KLHL20: variants seen among roughly 807,000 people sequenced by gnomAD.
KLHL20 encodes the protein kelch-like protein 20.
In KLHL20, 29 loss-of-function variants were observed where a neutral mutation model predicts 69.5. The ratio of observed to expected loss-of-function variants is 0.42; its 90% CI spans 0.31 to 0.57. The LOEUF is 0.57. KLHL20 is among the 20% of genes least tolerant of loss of function. KLHL20 has a pLI of 0.18. For missense variants in KLHL20, 419 were observed against 776.0 expected (o/e 0.54, Z 5.47); for synonymous variants, 253 against 265.2 (o/e 0.95, Z 0.45).
At chr1:173,748,632 CAA>C (rs1218052890) in intron 3 of KLHL20, among the ~76,000 whole-genome samples, 4 of 152,038 alleles carry the variant, frequency 2.6e-5, no homozygotes, top group Non-Finnish European at 4.4e-5. Flanking sequence ...AGCTCCAAAA[CAA>C]TATGCTAAAT....
intron 8 of KLHL20, 77 bp from the exon 9 acceptor site, chr1:173,774,228 T>A: frequency 6.5e-7 from 1 of 1,550,354 alleles, no homozygotes; most frequent in Non-Finnish European, 8.9e-7. Flanking sequence ...CAGTATATCG[T>A]TAGTGTGATT....
chr1:173,740,617 T>G (rs758752068), intron 3 of KLHL20, among the ~76,000 whole-genome samples: 2 of 152,190 alleles, frequency 1.3e-5, no homozygotes, highest in Non-Finnish European at 2.9e-5. Flanking sequence ...TTAAAGAATT[T>G]TTTAATTTTC....
chr1:173,751,707 C>T, intron 3 of KLHL20, 57 bp from the exon 4 acceptor site: 1 of 1,546,236 alleles, frequency 6.5e-7, no homozygotes, highest in Non-Finnish European at 8.9e-7. Flanking sequence ...AAGAAAAACA[C>T]TGAGACAATA....
At chr1:173,742,643 ACGTGTATGTATATAC>A (rs1303061701) in intron 3 of KLHL20, among the ~76,000 whole-genome samples, 2 of 151,170 alleles carry the variant, frequency 1.3e-5, no homozygotes, top group Non-Finnish European at 3.0e-5. Flanking sequence ...ACGTGTATAT[ACGTGTATGTATATAC>A]ACGTATGTGT....
chr1:173,766,596 C>G (rs1647728172), intron 8 of KLHL20, among the ~76,000 whole-genome samples: 1 of 148,210 alleles, frequency 6.7e-6, no homozygotes, highest in East Asian at 2.0e-4. Context: ...GAGCTGAGAT[C>G]ACGCCACTGT....
intron 2 of KLHL20, among the ~76,000 whole-genome samples, chr1:173,719,883 T>C (rs1671636487): frequency 6.6e-6 from 1 of 152,226 alleles, no homozygotes; most frequent in Admixed American, 6.5e-5. Flanking sequence ...GGTTTATTCA[T>C]ATATCAAACC....
chr1:173,770,722 C>T (rs1648039350), intron 8 of KLHL20, among the ~76,000 whole-genome samples: 1 of 150,156 alleles, frequency 6.7e-6, no homozygotes, highest in African/African-American at 2.4e-5. Context: ...CAAGAGATAC[C>T]ATTTGAGAGA....
Position 173,775,622 on chromosome 1 carries a change from T to C in KLHL20, c.1430-12T>C, listed in dbSNP as rs959977918. The stretch of plus-strand genomic sequence containing the variant: ...TTGAATGCTCACTTACTGGTTTTTC[T>C]TTTCCCTACAGTGGAACGTTACAAT... On this transcript the variant is annotated splice_polypyrimidine_tract_variant and intron_variant, in intron 9 of 11. Transcript: ENST00000209884. 1.7e-5 allele frequency: 27 copies of C among 1,611,698 alleles called. No homozygotes were observed. The highest frequency in any genetic ancestry group is 2.0e-5 in the Non-Finnish European group (23 of 1,178,558).
chr1:173,720,988 C>T (rs1671690216), intron 2 of KLHL20, among the ~76,000 whole-genome samples: 1 of 151,838 alleles, frequency 6.6e-6, no homozygotes, highest in Admixed American at 6.6e-5. Context: ...AAATGTGAGT[C>T]ATCAATACTA....
intron 8 of KLHL20, among the ~76,000 whole-genome samples, chr1:173,770,675 T>C (rs534863889): frequency 1.5e-5 from 2 of 129,868 alleles, no homozygotes; most frequent in African/African-American, 3.4e-5. Flanking sequence ...AGCAAAACTC[T>C]CTCTCAAAAA....
chr1:173,721,264 A>G (rs1671701265), intron 2 of KLHL20, among the ~76,000 whole-genome samples: 3 of 152,164 alleles, frequency 2.0e-5, no homozygotes, highest in African/African-American at 7.2e-5. Flanking sequence ...AAAATTTCCA[A>G]TCTCGTATCT....
At chr1:173,748,453 TATTA>T (rs1673165852) in intron 3 of KLHL20, among the ~76,000 whole-genome samples, 1 of 152,172 alleles carries the variant, frequency 6.6e-6, no homozygotes, top group Non-Finnish European at 1.5e-5. Flanking sequence ...TGGTTTATAT[TATTA>T]ATTAATGTTG....
intron 2 of KLHL20, among the ~76,000 whole-genome samples, chr1:173,716,691 A>G (rs1307937591): frequency 6.6e-6 from 1 of 152,182 alleles, no homozygotes; most frequent in Non-Finnish European, 1.5e-5. Flanking sequence ...AATCTTTATG[A>G]TACAAAATCA....
Position 173,754,384 on chromosome 1 carries a change from C to T in KLHL20, c.851+1077C>T, listed in dbSNP as rs75871084. 7.2e-5 allele frequency among the ~76,000 whole-genome samples: 11 copies of T among 151,936 alleles called. No individual in the cohort carries two copies. In the East Asian group the frequency reaches 1.4e-3, roughly 19 times the overall value. ...GGTGTATCACCTGAGGTCAGGAGTT[C>T]GAGACCAGCCTCAACATGGAGAAAC... On this transcript the variant is annotated intron_variant, in intron 5 of 11. Coordinates refer to ENST00000209884, the MANE Select transcript of KLHL20 (RefSeq NM_014458.4).
intron 7 of KLHL20, among the ~76,000 whole-genome samples, chr1:173,762,192 C>T (rs754887318): frequency 6.6e-6 from 1 of 152,022 alleles, no homozygotes; most frequent in Non-Finnish European, 1.5e-5. Flanking sequence ...ATACCCTGAA[C>T]AGACCAATAA....
At chr1:173,745,321 C>A (rs1245990458) in intron 3 of KLHL20, among the ~76,000 whole-genome samples, 2 of 151,430 alleles carry the variant, frequency 1.3e-5, no homozygotes, top group Non-Finnish European at 2.9e-5. Flanking sequence ...CACCACCAGG[C>A]CTGGCTAATT....
chr1:173,777,303 CT>C (rs34286229), intron 10 of KLHL20, among the ~76,000 whole-genome samples: 1 of 152,090 alleles, frequency 6.6e-6, no homozygotes, highest in African/African-American at 2.4e-5. Flanking sequence ...GTTCTAATAG[CT>C]TTTTGGTGGA....
chr1:173,749,327 C>T (rs1270110887), intron 3 of KLHL20, among the ~76,000 whole-genome samples: 2 of 152,140 alleles, frequency 1.3e-5, no homozygotes, highest in Admixed American at 1.3e-4. Flanking sequence ...TTGTTTTCAG[C>T]TTTATTCATT....
intron 3 of KLHL20, among the ~76,000 whole-genome samples, chr1:173,737,373 T>C (rs1377107027): frequency 2.0e-5 from 3 of 152,270 alleles, no homozygotes; most frequent in Non-Finnish European, 4.4e-5. Flanking sequence ...TTTAAGTCTT[T>C]GATCCATCTT....
Sources: gnomAD v4.1 joint callset for allele counts (sites outside exome capture counted in the v4.1 genomes callset) on GRCh38, gnomAD v4.1.1 for gene constraint, MANE v1.5 for transcripts, NCBI Gene and HGNC (gene_info 2026-07-23, HGNC 2026-07-21) for gene names.